SLC27A2: variants seen among roughly 807,000 people sequenced by gnomAD.
SLC27A2 encodes the protein long-chain fatty acid transport protein 2.
A neutral mutation model predicts 60.0 loss-of-function variants in SLC27A2; 54 were observed. That is an observed-to-expected ratio of 0.90 (90% CI 0.72 to 1.13). SLC27A2 has a LOEUF of 1.13. Ranked by LOEUF, SLC27A2 falls within the 50% of genes most tolerant of loss-of-function variation. SLC27A2 has a pLI of 0.00. For synonymous variants in SLC27A2, 297 were observed against 297.6 expected (o/e 1.00, Z 0.02); for missense variants, 739 against 777.6 (o/e 0.95, Z 0.59).
At chr15:50,207,371 C>T (rs1464825407) in intron 4 of SLC27A2, among the ~76,000 whole-genome samples, 1 of 152,050 alleles carries the variant, frequency 6.6e-6, no homozygotes, top group East Asian at 1.9e-4. Flanking sequence ...TTGAATGACC[C>T]CTGGACTTCC....
intron 7 of SLC27A2, 31 bp from the exon 8 acceptor site, chr15:50,228,914 T>G: frequency 5.4e-6 from 8 of 1,477,250 alleles, no homozygotes; most frequent in Non-Finnish European, 7.6e-6. Flanking sequence ...AAACCACCAG[T>G]GACCTCTGCT....
At chr15:50,183,635 A>C (rs555942070) in intron 1 of SLC27A2, among the ~76,000 whole-genome samples, 2 of 152,302 alleles carry the variant, frequency 1.3e-5, no homozygotes, top group Non-Finnish European at 2.9e-5. Flanking sequence ...AAGTGATGAC[A>C]AGGTCAGGAA....
intron 2 of SLC27A2, 28 bp from the exon 3 acceptor site, chr15:50,202,459 T>C: frequency 6.2e-7 from 1 of 1,612,994 alleles, no homozygotes; most frequent in East Asian, 2.2e-5. Context: ...CTTGGTTAAC[T>C]CATGCCTTCT....
At chr15:50,191,632 T>C (rs1044613094) in intron 1 of SLC27A2, among the ~76,000 whole-genome samples, 5 of 152,228 alleles carry the variant, frequency 3.3e-5, no homozygotes, top group African/African-American at 1.2e-4. Flanking sequence ...CACTCCTGCA[T>C]GCACATCTCG....
Position 50,202,575 on chromosome 15 carries a change from C to A in SLC27A2, c.777C>A (p.Val259=), listed in dbSNP as rs140346592. ...TAAGCGGATTGAAGGCAGATGATGT[C>A]ATCTATATCACTCTGCCCTTTTACC... ...TFVSGLKADD[V]IYITLPFYHS... The change falls in exon 3 of 10, where the codon GTC becomes GTA. Residue 259 remains valine (V), a synonymous_variant. Transcript: ENST00000267842. 1.6e-4 allele frequency: 264 copies of A among 1,613,976 alleles called. No individual in the cohort carries two copies. The African/African-American group carries it at 2.5e-3, about 15-fold the overall frequency.
Position 50,236,145 on chromosome 15 carries a change from C to A in SLC27A2, c.*49C>A. ...CATTTCCAGAAAGAAACTGAATGGA[C>A]AGCCACTTGATATAATCCAACTTTA... On this transcript the variant is annotated 3_prime_UTR_variant, in exon 10 of 10. Transcript: ENST00000267842. 7.1e-7 allele frequency: 1 copy of A among 1,414,424 alleles called. No homozygotes were observed. Among genetic ancestry groups the A allele is most frequent in the South Asian group, 1.5e-5 (1 of 66,304 alleles). The allele number at this position is 1,414,424 out of a possible 1,614,324, so 87.6% of individuals were successfully genotyped here. A position where few individuals can be genotyped will look rare whatever the true frequency, so the allele number is the denominator to read the frequency against.
Position 50,182,751 on chromosome 15 carries a change from G to T in SLC27A2, c.324G>T (p.Ala108=). Residue 108 remains alanine (A), a synonymous_variant, in exon 1 of 10, where the codon GCG becomes GCT. Coordinates refer to ENST00000267842, the MANE Select transcript of SLC27A2 (RefSeq NM_003645.4). ...GCCTGCGCCAGGGAGACTGCGTGGC[G>T]CTCCTTATGGGTAACGAGCCGGCCT... ...HLGLRQGDCV[A]LLMGNEPAYV... 4 of 1,613,868 alleles carry T rather than the reference G, an allele frequency of 2.5e-6. No homozygotes were observed. Among genetic ancestry groups the T allele is most frequent in the South Asian group, 1.1e-5 (1 of 91,088 alleles).
At position 50,222,993 on chromosome 15, in the gene SLC27A2, G is replaced by A. The variant is rs145020577; in HGVS notation, c.1001G>A (p.Arg334Lys). 1.2e-6 allele frequency: 2 copies of A among 1,612,722 alleles called. No homozygotes were observed. Among genetic ancestry groups the A allele is most frequent in the African/African-American group, 2.7e-5 (2 of 74,862 alleles). Residue 334 changes from arginine (R) to lysine (K), a missense_variant, in exon 5 of 10, where the codon AGA (arginine) becomes AAA (lysine). Coordinates refer to ENST00000267842, the MANE Select transcript of SLC27A2 (RefSeq NM_003645.4). ...CCAAATGACCGTGATCATAAAGTGA[G>A]ACTGGCACTGGGAAATGGCTTACGA... ...QKPNDRDHKV[R>K]LALGNGLRGD...
intron 4 of SLC27A2, 149 bp from the exon 5 acceptor site, chr15:50,222,816 C>T (rs1039966297): frequency 1.6e-6 from 1 of 613,020 alleles, no homozygotes. Flanking sequence ...AAAAGGCAGA[C>T]ACTAAGGGGC....
Position 50,227,073 on chromosome 15 carries a change from G to A in SLC27A2, c.1352G>A (p.Arg451Lys). ...GCTCAGACAGAGAAGAAAAAACTGA[G>A]AGATGTCTTTAAGAAAGGAGACCTC... is the stretch of plus-strand genomic sequence containing the variant. ...AKAQTEKKKL[R>K]DVFKKGDLYF... The change falls in exon 7 of 10, where the codon AGA becomes AAA. Residue 451 changes from arginine to lysine, a missense_variant. Coordinates refer to ENST00000267842, the MANE Select transcript of SLC27A2 (RefSeq NM_003645.4). 6.2e-7 allele frequency: 1 copy of A among 1,614,128 alleles called. No individual in the cohort carries two copies. The highest frequency in any genetic ancestry group is 8.5e-7 in the Non-Finnish European group (1 of 1,179,964).
At chr15:50,225,939 G>T (rs755805394) in intron 5 of SLC27A2, 49 bp from the exon 6 acceptor site, 2 of 1,317,914 alleles carry the variant, frequency 1.5e-6, no homozygotes, top group Non-Finnish European at 2.1e-6. Context: ...CAATTAAAAA[G>T]GGAAAAATTA....
At position 50,196,078 on chromosome 15, in the gene SLC27A2, ATATATATATATATATATATATATATAT is replaced by A. The variant is rs1331389188; in HGVS notation, c.479-1421_479-1395del. ...CAAAAAAAAAAAAAAAAAAAAAAAAATATATATATATATATATATATATATATATATATATATATATATATATGTATG... is the reference window on the plus strand; with the variant it reads ...CAAAAAAAAAAAAAAAAAAAAAAAAAATATATATATATATATATATGTATG... On this transcript the variant is annotated intron_variant, in intron 1 of 9. Transcript: ENST00000267842. Among the ~76,000 whole-genome samples the A allele has an allele frequency of 7.2e-3, 56 of 7,800 alleles. 3 individuals are homozygous for A. The highest frequency in any genetic ancestry group is 9.9e-3 in the Non-Finnish European group (49 of 4,954). 5.1% of individuals were successfully genotyped at this position (7,800 alleles called of 152,430 possible).
intron 2 of SLC27A2, among the ~76,000 whole-genome samples, chr15:50,198,656 A>G (rs920048244): frequency 2.0e-5 from 3 of 152,152 alleles, no homozygotes; most frequent in African/African-American, 7.2e-5. Context: ...ATATATTTAA[A>G]AGAAGGACAG....
intron 2 of SLC27A2, among the ~76,000 whole-genome samples, chr15:50,201,776 T>C (rs546238531): frequency 0.013 from 1,915 of 152,038 alleles, 29 homozygotes; most frequent in African/African-American, 0.041. Flanking sequence ...AGGATGGTCT[T>C]GATCTCCTGA....
chr15:50,232,268 A>G (rs532286681), intron 8 of SLC27A2, among the ~76,000 whole-genome samples: 19 of 152,368 alleles, frequency 1.2e-4, no homozygotes, highest in African/African-American at 4.3e-4. Context: ...TGAACTGCCC[A>G]ACTACTCTGT....
chr15:50,235,968 G>A lies in SLC27A2; in HGVS notation c.1735G>A (p.Val579Met), dbSNP rs772259692. ...TTTTAAACACCGCAAAATGACCCTG[G>A]TGGAGGAGGGCTTTAACCCTGCTGT... is the stretch of plus-strand genomic sequence containing the variant. ...GTFKHRKMTL[V>M]EEGFNPAVIK... Residue 579 changes from valine (V) to methionine (M), a missense_variant, in exon 10 of 10, where the codon GTG becomes ATG. Transcript: ENST00000267842. The A allele has an allele frequency of 1.2e-6, 2 of 1,613,976 alleles. No homozygotes were observed. The highest frequency in any genetic ancestry group is 2.2e-5 in the East Asian group (1 of 44,880).
chr15:50,188,853 C>T (rs553347539), intron 1 of SLC27A2, among the ~76,000 whole-genome samples: 4 of 152,164 alleles, frequency 2.6e-5, no homozygotes, highest in East Asian at 3.9e-4. Context: ...CCAGCTACTC[C>T]GGAGGCTGAG....
chr15:50,234,257 G>T (rs2045335128), intron 9 of SLC27A2, among the ~76,000 whole-genome samples: 1 of 152,090 alleles, frequency 6.6e-6, no homozygotes, highest in South Asian at 2.1e-4. Flanking sequence ...ACCAGCCTAG[G>T]CAACGTAGTG....
At chr15:50,215,248 A>G (rs57643006) in intron 4 of SLC27A2, among the ~76,000 whole-genome samples, 32,343 of 151,994 alleles carry the variant, frequency 0.21, 3,674 homozygotes, top group African/African-American at 0.28. Context: ...ACCTAAGAAT[A>G]TATCTAACCA....
Sources: allele counts gnomAD v4.1 joint callset (sites outside exome capture counted in the v4.1 genomes callset), GRCh38; gene constraint gnomAD v4.1.1; transcripts MANE v1.5; gene names NCBI Gene and HGNC (gene_info 2026-07-23, HGNC 2026-07-21).